Variants in AFG1L observed in about 807,000 individuals in gnomAD.
AFG1L encodes the protein AFG1-like ATPase.
Under a neutral mutation model 62.2 loss-of-function variants are expected in AFG1L, and 53 were observed. The ratio of observed to expected loss-of-function variants is 0.85; its 90% CI spans 0.68 to 1.07. The LOEUF (loss-of-function observed/expected upper bound fraction) is 1.07. AFG1L is among the 50% of genes least tolerant of loss of function. AFG1L has a pLI of 0.00. For missense variants in AFG1L, 555 were observed against 590.5 expected (o/e 0.94, Z 0.62); for synonymous variants, 228 against 210.3 (o/e 1.08, Z -0.73).
At chr6:108,360,766 T>C (rs1194581197) in intron 5 of AFG1L, among the ~76,000 whole-genome samples, 1 of 152,062 alleles carries the variant, frequency 6.6e-6, no homozygotes, top group Non-Finnish European at 1.5e-5. Context: ...CTTAAAGAAG[T>C]TTCTCCAATA....
At chr6:108,391,063 G>T (rs1296902661) in intron 6 of AFG1L, among the ~76,000 whole-genome samples, 1 of 152,180 alleles carries the variant, frequency 6.6e-6, no homozygotes, top group African/African-American at 2.4e-5. Context: ...ATTGCGAATT[G>T]TGCTGCTATA....
chr6:108,364,865 C>CAAAAAA (rs869268005), intron 5 of AFG1L, among the ~76,000 whole-genome samples: 1 of 94,170 alleles, frequency 1.1e-5, no homozygotes, highest in Non-Finnish European at 2.1e-5. Flanking sequence ...CTGAGACAGC[C>CAAAAAA]AAAAAAAAAA....
intron 10 of AFG1L, among the ~76,000 whole-genome samples, chr6:108,495,805 A>G (rs1304047850): frequency 1.3e-5 from 2 of 152,246 alleles, no homozygotes; most frequent in African/African-American, 4.8e-5. Context: ...GTTTGAAACA[A>G]TAGTGGAGAA....
rs768680832 is a variant in AFG1L, at chr6:108,355,636, A to AT, written c.416-10dup. The stretch of plus-strand genomic sequence containing the variant: ...CATACTATTTAATAGTATTCTTAAA[A>AT]TTTTTTTTATTTTTAAGGTACAGGA... On this transcript the variant is annotated splice_polypyrimidine_tract_variant and intron_variant, in intron 3 of 12. Transcript: ENST00000368977. 164 of 1,412,560 alleles carry AT rather than the reference A, an allele frequency of 1.2e-4. No individual in the cohort carries two copies. The highest frequency in any genetic ancestry group is 1.1e-3 in the Middle Eastern group (6 of 5,502). 87.5% of individuals were successfully genotyped at this position (1,412,560 alleles called of 1,614,324 possible). A position where few individuals can be genotyped will look rare whatever the true frequency, so the allele number is the denominator to read the frequency against.
chr6:108,452,045 A>G (rs1455215476), intron 8 of AFG1L, among the ~76,000 whole-genome samples: 20 of 152,156 alleles, frequency 1.3e-4, no homozygotes. Flanking sequence ...TGCTTGGTGA[A>G]TAGCACTCAA....
chr6:108,403,512 G>A (rs113876742), intron 7 of AFG1L, among the ~76,000 whole-genome samples: 1 of 152,074 alleles, frequency 6.6e-6, no homozygotes, highest in Non-Finnish European at 1.5e-5. Context: ...TATAGATGTA[G>A]GAAAAGTACT....
rs116694619 is a variant in AFG1L, at chr6:108,319,958, G to A, written c.140-3867G>A. ...GGGTGGTGTGGGTATGTGAATGAGG[G>A]GGATATGAAAAGGGTGGGACTTTGT... On this transcript the variant is annotated intron_variant, in intron 1 of 12. Coordinates refer to ENST00000368977, the MANE Select transcript of AFG1L (RefSeq NM_145315.5). 6.6e-3 allele frequency among the ~76,000 whole-genome samples: 1,006 copies of A among 152,130 alleles called. 11 individuals carry two copies. Among genetic ancestry groups the A allele is most frequent in the African/African-American group, 0.022 (903 of 41,496 alleles).
chr6:108,515,697 T>C (rs1171281781), intron 11 of AFG1L, among the ~76,000 whole-genome samples: 1 of 152,008 alleles, frequency 6.6e-6, no homozygotes, highest in Admixed American at 6.6e-5. Context: ...CTTCAAAAAA[T>C]CAATGAATCC....
intron 7 of AFG1L, among the ~76,000 whole-genome samples, chr6:108,413,523 C>A (rs1191281241): frequency 6.6e-6 from 1 of 152,136 alleles, no homozygotes; most frequent in Non-Finnish European, 1.5e-5. Context: ...GGAAGTAAAG[C>A]ACTCCTCAGC....
intron 7 of AFG1L, among the ~76,000 whole-genome samples, chr6:108,407,716 A>G (rs1204545275): frequency 6.6e-6 from 1 of 151,556 alleles, no homozygotes; most frequent in Non-Finnish European, 1.5e-5. Context: ...AATCAATCCC[A>G]CAGGAGGGAA....
intron 2 of AFG1L, among the ~76,000 whole-genome samples, chr6:108,333,208 G>A (rs1203053797): frequency 2.0e-5 from 3 of 151,280 alleles, no homozygotes; most frequent in Non-Finnish European, 2.9e-5. Flanking sequence ...TCAGGAGTTC[G>A]AGACCAACCT....
chr6:108,448,151 A>T (rs1365644330), intron 8 of AFG1L, among the ~76,000 whole-genome samples: 1 of 152,218 alleles, frequency 6.6e-6, no homozygotes, highest in African/African-American at 2.4e-5. Flanking sequence ...TTAAAATTGC[A>T]TACTTTACAG....
At chr6:108,447,873 C>G (rs969050932) in intron 8 of AFG1L, among the ~76,000 whole-genome samples, 7 of 152,018 alleles carry the variant, frequency 4.6e-5, no homozygotes, top group African/African-American at 1.4e-4. Context: ...TTTAAAATGT[C>G]CTTTGTGAGA....
intron 1 of AFG1L, among the ~76,000 whole-genome samples, chr6:108,298,411 G>A (rs142721812): frequency 0.028 from 4,221 of 151,782 alleles, 185 homozygotes; most frequent in African/African-American, 0.097. Flanking sequence ...AATTACAGGC[G>A]CCCGCCACCA....
chr6:108,311,219 G>GT (rs1777393140), intron 1 of AFG1L, among the ~76,000 whole-genome samples: 1 of 152,166 alleles, frequency 6.6e-6, no homozygotes, highest in Non-Finnish European at 1.5e-5. Context: ...AACTTGTTCT[G>GT]TTTTTTCTAG....
chr6:108,489,346 T>C (rs1308252189), intron 10 of AFG1L, among the ~76,000 whole-genome samples: 1 of 152,182 alleles, frequency 6.6e-6, no homozygotes. Context: ...ACACAGCAAA[T>C]GCTAAAATAA....
At chr6:108,345,295 T>C (rs565900789) in intron 2 of AFG1L, among the ~76,000 whole-genome samples, 42 of 152,128 alleles carry the variant, frequency 2.8e-4, no homozygotes, top group Admixed American at 4.6e-4. Context: ...ATGCTTTATA[T>C]AGTTTTAGTA....
intron 8 of AFG1L, among the ~76,000 whole-genome samples, chr6:108,454,949 T>C (rs1225817331): frequency 6.6e-6 from 1 of 152,158 alleles, no homozygotes; most frequent in African/African-American, 2.4e-5. Context: ...CTGAAGTCTG[T>C]TCCTCAGAGA....
chr6:108,482,018 G>C (rs573387057), intron 10 of AFG1L, among the ~76,000 whole-genome samples: 1 of 152,200 alleles, frequency 6.6e-6, no homozygotes, highest in Non-Finnish European at 1.5e-5. Context: ...GTGAAAATTA[G>C]AATTTTGGAA....
Sources: allele counts gnomAD v4.1 joint callset (sites outside exome capture counted in the v4.1 genomes callset), GRCh38; gene constraint gnomAD v4.1.1; transcripts MANE v1.5; gene names NCBI Gene and HGNC (gene_info 2026-07-23, HGNC 2026-07-21).